The following CHI3L2 variants were observed in gnomAD, a reference collection of about 807,000 sequenced individuals.
CHI3L2 encodes chitinase-3-like protein 2.
CHI3L2 carries 47 observed loss-of-function variants against 47.3 expected under a neutral mutation model. That is an observed-to-expected ratio of 0.99 (90% CI 0.79 to 1.27). CHI3L2 has a LOEUF of 1.27. Among genes scored for constraint, CHI3L2 ranks in the 50% most tolerant of loss-of-function variants. The pLI is 0.00. For synonymous variants in CHI3L2, 198 were observed against 169.9 expected, an observed-to-expected ratio of 1.17 and a Z score of -1.28; for missense variants, 497 against 462.1, an observed-to-expected ratio of 1.08 and a Z score of -0.69.
chr1:111,240,379 GATAC>G (rs534912747), intron 8 of CHI3L2, among the ~76,000 whole-genome samples: 184 of 152,316 alleles, frequency 1.2e-3, no homozygotes, highest in Middle Eastern at 3.4e-3. Flanking sequence ...CAGGGTGCCT[GATAC>G]ATAGGAAGTG....
chr1:111,242,387 T>A, intron 10 of CHI3L2, 21 bp downstream of exon 10: 2 of 1,578,828 alleles, frequency 1.3e-6, no homozygotes, highest in Non-Finnish European at 1.7e-6. Context: ...AGGCTGGAGC[T>A]GGGAGTGGGC....
At chr1:111,235,257 C>A (rs764599427) in intron 5 of CHI3L2, among the ~76,000 whole-genome samples, 200 bp downstream of exon 5, 1 of 152,176 alleles carries the variant, frequency 6.6e-6, no homozygotes, top group Non-Finnish European at 1.5e-5. Context: ...ACAGTGGAGC[C>A]CCCTTGCACA....
chr1:111,230,559 G>A lies in CHI3L2; in HGVS notation c.71-183G>A, dbSNP rs193042838. ...GTGAGCCACTGTGCCCAGTCTCAGC[G>A]TATTTCTTAACTGGGGTCTGGGTAC... is the stretch of plus-strand genomic sequence containing the variant. On this transcript the variant is annotated intron_variant, in intron 2 of 10. Coordinates refer to ENST00000369748, the MANE Select transcript of CHI3L2 (RefSeq NM_004000.3). 6.4e-4 allele frequency among the ~76,000 whole-genome samples: 98 copies of A among 152,194 alleles called. 3 individuals carry two copies. In the East Asian group the frequency reaches 0.015, roughly 23 times the overall value.
chr1:111,235,163 G>A, intron 5 of CHI3L2, 106 bp downstream of exon 5: 1 of 1,176,530 alleles, frequency 8.5e-7, no homozygotes, highest in Non-Finnish European at 1.2e-6. Context: ...GGAGGAGATT[G>A]AGTCTAACAG....
Position 111,241,393 on chromosome 1 carries a change from A to G in CHI3L2, c.985A>G (p.Lys329Glu). The G allele has an allele frequency of 3.1e-6, 5 of 1,610,512 alleles. No individual in the cohort carries two copies. The highest frequency in any genetic ancestry group is 4.2e-6 in the Non-Finnish European group (5 of 1,176,664). Residue 329 changes from lysine to glutamate, a missense_variant, in exon 9 of 11, where the codon AAG (lysine) becomes GAG (glutamate). Physicochemically the swap from Lys to Glu is moderately conservative, Grantham distance 56 (BLOSUM62 1). Coordinates refer to ENST00000369748, the MANE Select transcript of CHI3L2 (RefSeq NM_004000.3). Reference sequence around the variant, plus strand: ...GGATCAGCAGGTTCCCTACGCAGTCAAGGGGAACCAGTGGGTGGGCTATGA... The same window carrying G: ...GGATCAGCAGGTTCCCTACGCAGTCGAGGGGAACCAGTGGGTGGGCTATGA... ...LQDQQVPYAV[K>E]GNQWVGYDDV...
At position 111,236,050 on chromosome 1, in the gene CHI3L2, C is replaced by G. The variant is rs1659877418; in HGVS notation, c.632C>G (p.Ser211Cys). ...GATCTGGATTTCATCAACCTCCTGT[C>G]CTTTGACTTCCATGGGTCTTGGGAA... is the stretch of plus-strand genomic sequence containing the variant. ...AKDLDFINLLSFDFHGSWEKP... is the reference protein window; with the variant it reads ...AKDLDFINLLCFDFHGSWEKP... Residue 211 changes from serine to cysteine, a missense_variant, in exon 7 of 11, where the codon TCC (serine) becomes TGC (cysteine). Coordinates refer to ENST00000369748, the MANE Select transcript of CHI3L2 (RefSeq NM_004000.3). 1 of 1,614,082 alleles carries G rather than the reference C, an allele frequency of 6.2e-7. No individual in the cohort carries two copies. The highest frequency in any genetic ancestry group is 1.3e-5 in the African/African-American group (1 of 74,924).
In CHI3L2 at chr1:111,242,354, G is replaced by A; in HGVS notation, c.1163G>A (p.Gly388Asp). ...PLVQAVKRSLGSL is the reference protein window; with the variant it reads ...PLVQAVKRSLDSL ...GTCCAAGCAGTCAAGAGAAGCCTTG[G>A]CTCCCTGTGAAGGTAACAGTCCAGG... The change falls in exon 10 of 11, where the codon GGC becomes GAC. Residue 388 changes from glycine to aspartate, a missense_variant. Gly to Asp is a moderately conservative substitution (Grantham distance 94, BLOSUM62 -1). Coordinates refer to ENST00000369748, the MANE Select transcript of CHI3L2 (RefSeq NM_004000.3). 1.2e-6 allele frequency: 2 copies of A among 1,607,780 alleles called. No individual in the cohort carries two copies. Among genetic ancestry groups the A allele is most frequent in the East Asian group, 4.5e-5 (2 of 44,814 alleles).
In CHI3L2 at chr1:111,232,588, C is replaced by T. The variant is rs187342836; in HGVS notation, c.329+1294C>T. ...AGGGTGGTGTTGTAAAGGCAGGCAA[C>T]GCAAGCAAACTGTTTAGCATAGTGC... On this transcript the variant is annotated intron_variant, in intron 4 of 10. Transcript: ENST00000369748. Among the ~76,000 whole-genome samples, 43 of 152,182 alleles carry T rather than the reference C, an allele frequency of 2.8e-4. 1 individual carries two copies. The highest frequency in any genetic ancestry group is 1.9e-3 in the East Asian group (10 of 5,190).
Position 111,241,462 on chromosome 1 carries a change from G to A in CHI3L2, c.1035+19G>A, listed in dbSNP as rs1435522709. On this transcript the variant is annotated intron_variant, in intron 9 of 10. Coordinates refer to ENST00000369748, the MANE Select transcript of CHI3L2 (RefSeq NM_004000.3). ...GACCAAGGTAGGTGGGCCACAGGCA[G>A]ATACTCCTTTAGGTGGGGAATGGTG... The A allele has an allele frequency of 8.2e-7, 1 of 1,223,930 alleles. No individual in the cohort carries two copies. Among genetic ancestry groups the A allele is most frequent in the Non-Finnish European group, 1.2e-6 (1 of 823,846 alleles). 75.8% of individuals were successfully genotyped at this position (1,223,930 alleles called of 1,614,324 possible).
chr1:111,229,861 T>C lies in CHI3L2; in HGVS notation c.50T>C (p.Val17Ala). ...CACCCATCTATTGCAGGTGTAGTGG[T>C]CTTGCTGCTTCTCCAGGGAGGTAAG... ...DQKSLWAGVV[V>A]LLLLQGGSAY... Residue 17 changes from valine (V) to alanine (A), a missense_variant, in exon 2 of 11, where the codon GTC (valine) becomes GCC (alanine). Physicochemically the swap from Val to Ala is moderately conservative, Grantham distance 64. Transcript: ENST00000369748. The C allele has an allele frequency of 1.2e-6, 2 of 1,613,866 alleles. No individual in the cohort carries two copies. The highest frequency in any genetic ancestry group is 1.7e-6 in the Non-Finnish European group (2 of 1,179,898).
chr1:111,231,932 A>AT (rs369392935), intron 4 of CHI3L2, among the ~76,000 whole-genome samples: 28 of 152,332 alleles, frequency 1.8e-4, no homozygotes, highest in African/African-American at 6.7e-4. Context: ...TAAATATCAC[A>AT]TTTTTTCAAT....
intron 4 of CHI3L2, among the ~76,000 whole-genome samples, chr1:111,233,620 G>A (rs983980987): frequency 1.3e-5 from 2 of 151,980 alleles, no homozygotes; most frequent in African/African-American, 2.4e-5. Flanking sequence ...GGTGAGGGGC[G>A]CCTCTGCCCG....
At chr1:111,230,596 C>T in intron 2 of CHI3L2, 146 bp from the exon 3 acceptor site, 1 of 659,868 alleles carries the variant, frequency 1.5e-6, no homozygotes, top group Non-Finnish European at 2.6e-6. Context: ...CAAGAGCCAG[C>T]ACTAAAGGCC....
chr1:111,230,050 C>T (rs1032503870), intron 2 of CHI3L2, among the ~76,000 whole-genome samples, 169 bp downstream of exon 2: 36 of 152,036 alleles, frequency 2.4e-4, no homozygotes, highest in Non-Finnish European at 8.8e-5. Context: ...TTGTGTATCC[C>T]TTGTTCTAGT....
At chr1:111,240,519 C>A (rs1660015487) in intron 8 of CHI3L2, among the ~76,000 whole-genome samples, 1 of 152,162 alleles carries the variant, frequency 6.6e-6, no homozygotes, top group Non-Finnish European at 1.5e-5. Flanking sequence ...ACTAGATATG[C>A]ACTTCCCATC....
chr1:111,241,262 T>C lies in CHI3L2; in HGVS notation c.919-65T>C, dbSNP rs1660045544. ...AGTCCCTAGTGGCTCACCTGCCCTG[T>C]CTACCCCAACCAAGTTTCAAGAATA... On this transcript the variant is annotated intron_variant, in intron 8 of 10. Transcript: ENST00000369748. 4.5e-6 allele frequency: 4 copies of C among 893,788 alleles called. No homozygotes were observed. In the African/African-American group the frequency reaches 6.5e-5, roughly 14 times the overall value. 55.4% of individuals were successfully genotyped at this position (893,788 alleles called of 1,614,324 possible).
chr1:111,236,191 G>T, intron 7 of CHI3L2, 38 bp downstream of exon 7: 1 of 1,601,786 alleles, frequency 6.2e-7, no homozygotes, highest in South Asian at 1.1e-5. Context: ...TACTGGCTGT[G>T]GGGGTGGGGC....
intron 4 of CHI3L2, among the ~76,000 whole-genome samples, chr1:111,233,557 G>T (rs1239501543): frequency 6.6e-6 from 1 of 152,048 alleles, no homozygotes. Context: ...CTGGCATCCA[G>T]GAGGGAGGTG....
At chr1:111,241,197 T>C (rs750626285) in intron 8 of CHI3L2, 130 bp from the exon 9 acceptor site, 1 of 735,724 alleles carries the variant, frequency 1.4e-6, no homozygotes, top group Non-Finnish European at 2.5e-6. Flanking sequence ...ATTTCTCTCA[T>C]TGTCTGATCC....
Sources: allele counts gnomAD v4.1 joint callset (sites outside exome capture counted in the v4.1 genomes callset), GRCh38; gene constraint gnomAD v4.1.1; transcripts MANE v1.5; gene names NCBI Gene and HGNC (gene_info 2026-07-23, HGNC 2026-07-21).